CTSC: variants seen among roughly 807,000 people sequenced by gnomAD.
CTSC encodes dipeptidyl peptidase 1.
In CTSC, 37 loss-of-function variants were observed where a neutral mutation model predicts 40.9. That is an observed-to-expected ratio of 0.91 (90% CI 0.70 to 1.19). CTSC has a LOEUF of 1.19. Ranked by LOEUF, CTSC falls within the 50% of genes most tolerant of loss-of-function variation. CTSC has a pLI of 0.00. For synonymous variants in CTSC, 232 were observed against 207.4 expected (o/e 1.12, Z -1.02); for missense variants, 594 against 567.3 (o/e 1.05, Z -0.48).
chr11:88,317,320 T>C (rs1182421399), intron 2 of CTSC, among the ~76,000 whole-genome samples: 1 of 152,238 alleles, frequency 6.6e-6, no homozygotes, highest in Non-Finnish European at 1.5e-5. Flanking sequence ...ACTATTTATA[T>C]GAGTAATCCT....
At chr11:88,306,349 C>A (rs1937631987) in intron 4 of CTSC, among the ~76,000 whole-genome samples, 1 of 152,240 alleles carries the variant, frequency 6.6e-6, no homozygotes, top group African/African-American at 2.4e-5. Context: ...AAGGCCCCAC[C>A]CTCAAGCCTG....
At chr11:88,312,331 A>G in intron 3 of CTSC, 57 bp downstream of exon 3, 1 of 1,537,414 alleles carries the variant, frequency 6.5e-7, no homozygotes, top group Non-Finnish European at 9.0e-7. Context: ...ATGTACACAC[A>G]TATTCATATA....
chr11:88,297,731 G>A (rs766066521), intron 5 of CTSC: 2 of 152,320 alleles, frequency 1.3e-5, no homozygotes, highest in South Asian at 4.1e-4. Flanking sequence ...CCCCTGACCT[G>A]TAAGAATGTG....
intron 2 of CTSC, chr11:88,322,580 A>G (rs1177373775): frequency 2.0e-5 from 3 of 152,156 alleles, no homozygotes. Context: ...AAAATGATAA[A>G]CAGGATACCA....
At position 88,326,022 on chromosome 11, in the gene CTSC, T is replaced by A. The variant is rs551207029; in HGVS notation, c.318+8915A>T. On this transcript the variant is annotated intron_variant, in intron 2 of 6. Transcript: ENST00000227266. ...AATAAAACAAAACATACACTTCAAATCCTGACAATCTTAGAAAAAAATCAC... is the reference window on the plus strand; with the variant it reads ...AATAAAACAAAACATACACTTCAAAACCTGACAATCTTAGAAAAAAATCAC... 66 of 1,055,136 alleles carry A rather than the reference T, an allele frequency of 6.3e-5. No homozygotes were observed. The African/African-American group carries it at 1.1e-3, about 17-fold the overall frequency. The allele number at this position is 1,055,136 out of a possible 1,614,324, so 65.4% of individuals were successfully genotyped here.
Position 88,296,152 on chromosome 11 carries a change from A to C in CTSC, c.870T>G (p.Ser290=). The change falls in exon 6 of 7, where the codon TCT becomes TCG. Residue 290 remains serine (S), a synonymous_variant. Transcript: ENST00000227266. ...ACTTACCTTGAGCATACTGGCTACA[A>C]GACACAACCTCCTGAGGGCTTAGGA... The part of the protein sequence containing the change: ...TPILSPQEVV[S]CSQYAQGCEG... 6.2e-7 allele frequency: 1 copy of C among 1,614,050 alleles called. No individual in the cohort carries two copies. Among genetic ancestry groups the C allele is most frequent in the Non-Finnish European group, 8.5e-7 (1 of 1,179,942 alleles).
Position 88,306,201 on chromosome 11 carries a change from C to T in CTSC, c.641+2962G>A, listed in dbSNP as rs182127664. 1.2e-3 allele frequency among the ~76,000 whole-genome samples: 188 copies of T among 152,300 alleles called. 5 individuals carry two copies. The highest frequency in any genetic ancestry group is 4.3e-3 in the African/African-American group (177 of 41,556). On this transcript the variant is annotated intron_variant, in intron 4 of 6. Transcript: ENST00000227266. ...TTATGGGAGGATGCCATCAGTTGGACAGGAAAAACCTTCACATAGTCTCAC... is the reference window on the plus strand; with the variant it reads ...TTATGGGAGGATGCCATCAGTTGGATAGGAAAAACCTTCACATAGTCTCAC...
At chr11:88,309,354 T>C (rs1321771320) in intron 3 of CTSC, 36 bp from the exon 4 acceptor site, 2 of 1,539,514 alleles carry the variant, frequency 1.3e-6, no homozygotes, top group African/African-American at 1.4e-5. Flanking sequence ...AGATATAGTC[T>C]TTACTGATGT....
intron 2 of CTSC, among the ~76,000 whole-genome samples, chr11:88,315,989 T>C (rs976272016): frequency 1.3e-5 from 2 of 152,114 alleles, no homozygotes; most frequent in African/African-American, 4.8e-5. Context: ...CAAAGGTCAT[T>C]GCTTTATCCA....
chr11:88,302,702 G>A (rs1207663838), intron 4 of CTSC, among the ~76,000 whole-genome samples: 4 of 149,264 alleles, frequency 2.7e-5, no homozygotes, highest in African/African-American at 7.4e-5. Flanking sequence ...AAACAACAAC[G>A]ATTTCTTCAA....
chr11:88,303,964 C>A (rs1027562726), intron 4 of CTSC, among the ~76,000 whole-genome samples: 2 of 151,326 alleles, frequency 1.3e-5, no homozygotes, highest in African/African-American at 4.9e-5. Flanking sequence ...ACTTCTGAGG[C>A]CTAATGTGCC....
Position 88,294,167 on chromosome 11 carries a change from C to G in CTSC, c.1231G>C (p.Gly411Arg), listed in dbSNP as rs553675331. Reference sequence around the variant, plus strand: ...CCAGAGGCTGAGTCAGTGCCATAGCCCACAAGCAGAACAGCATGATTAGTC... The same window carrying G: ...CCAGAGGCTGAGTCAGTGCCATAGCGCACAAGCAGAACAGCATGATTAGTC... ...ELTNHAVLLVGYGTDSASGMD... is the reference protein window; with the variant it reads ...ELTNHAVLLVRYGTDSASGMD... Residue 411 changes from glycine (G) to arginine (R), a missense_variant, in exon 7 of 7, where the codon GGC becomes CGC. Coordinates refer to ENST00000227266, the MANE Select transcript of CTSC (RefSeq NM_001814.6). 6.2e-7 allele frequency: 1 copy of G among 1,613,808 alleles called. No individual in the cohort carries two copies. Among genetic ancestry groups the G allele is most frequent in the African/African-American group, 1.3e-5 (1 of 74,900 alleles).
intron 4 of CTSC, among the ~76,000 whole-genome samples, chr11:88,306,314 G>A (rs538278919): frequency 3.9e-5 from 6 of 152,114 alleles, no homozygotes; most frequent in African/African-American, 1.2e-4. Flanking sequence ...GGAAATACTG[G>A]GTAGAAGAGG....
At chr11:88,325,645 T>C (rs1938161166) in intron 2 of CTSC, 4 of 984,988 alleles carry the variant, frequency 4.1e-6, no homozygotes, top group Non-Finnish European at 2.4e-6. Flanking sequence ...ACAGAACTTT[T>C]GTAGCTTATA....
At chr11:88,319,903 A>C (rs1311604977) in intron 2 of CTSC, among the ~76,000 whole-genome samples, 1 of 152,218 alleles carries the variant, frequency 6.6e-6, no homozygotes, top group South Asian at 2.1e-4. Context: ...CAGCAACATT[A>C]AAAAACAAAA....
At chr11:88,336,500 C>T (rs556223397) in intron 1 of CTSC, among the ~76,000 whole-genome samples, 4 of 146,440 alleles carry the variant, frequency 2.7e-5, no homozygotes, top group Non-Finnish European at 5.9e-5. Context: ...GATCCCGCCA[C>T]TGAACTACAG....
At chr11:88,301,121 G>A (rs889942021) in intron 4 of CTSC, among the ~76,000 whole-genome samples, 2 of 152,154 alleles carry the variant, frequency 1.3e-5, no homozygotes, top group African/African-American at 4.8e-5. Flanking sequence ...TGTGAGGCAG[G>A]AGAACAGGTT....
At position 88,294,207 on chromosome 11, in the gene CTSC, G is replaced by C; in HGVS notation, c.1191C>G (p.Phe397Leu). ...CATGATTAGTCAGCTCAAAGGGGTT[G>C]AAAGGGTCTCTTAGACCAGTGTGGT... ...IYHHTGLRDP[F>L]NPFELTNHAV... Residue 397 changes from phenylalanine (F) to leucine (L), a missense_variant, in exon 7 of 7, where the codon TTC (phenylalanine) becomes TTG (leucine). Phe to Leu is a conservative substitution (Grantham distance 22). Coordinates refer to ENST00000227266, the MANE Select transcript of CTSC (RefSeq NM_001814.6). The C allele has an allele frequency of 6.2e-7, 1 of 1,613,950 alleles. No homozygotes were observed. Among genetic ancestry groups the C allele is most frequent in the Non-Finnish European group, 8.5e-7 (1 of 1,179,952 alleles).
intron 2 of CTSC, among the ~76,000 whole-genome samples, chr11:88,312,969 AG>A (rs1471632169): frequency 6.6e-6 from 1 of 152,202 alleles, no homozygotes; most frequent in Admixed American, 6.5e-5. Flanking sequence ...GCTCCTACCA[AG>A]GCAACAGGCG....
Sources: gnomAD v4.1 joint callset for allele counts (sites outside exome capture counted in the v4.1 genomes callset) on GRCh38, gnomAD v4.1.1 for gene constraint, MANE v1.5 for transcripts, NCBI Gene and HGNC (gene_info 2026-07-23, HGNC 2026-07-21) for gene names.